The following C1QTNF6 variants were observed in gnomAD, a reference collection of about 807,000 sequenced individuals.
C1QTNF6 encodes complement C1q tumor necrosis factor-related protein 6.
Under a neutral mutation model 20.7 loss-of-function variants are expected in C1QTNF6, and 17 were observed. That is an observed-to-expected ratio of 0.82 (90% CI 0.56 to 1.23). The LOEUF is 1.23. C1QTNF6 is among the 50% of genes most tolerant of loss of function. C1QTNF6 has a pLI of 0.00. For missense variants in C1QTNF6, 329 were observed against 389.7 expected, an observed-to-expected ratio of 0.84 and a Z score of 1.31; for synonymous variants, 130 against 156.3, an observed-to-expected ratio of 0.83 and a Z score of 1.25.
rs1924119597 is a variant in C1QTNF6 at position 37,184,550 on chromosome 22, G to GGACA, written c.289+667_289+668insTGTC. 9 of 648,018 alleles carry GGACA rather than the reference G, an allele frequency of 1.4e-5. No individual in the cohort carries two copies. The highest frequency in any genetic ancestry group is 1.0e-4 in the South Asian group (6 of 59,196). The allele number at this position is 648,018 out of a possible 1,614,324, so 40.1% of individuals were successfully genotyped here. On this transcript the variant is annotated intron_variant, in intron 2 of 2. Transcript: ENST00000337843. This position sits in a 1 kb window ranked among gnomAD's most constrained non-coding sequence, Gnocchi z 4.0. ...TCACCTGGACAGCCCTCACCTGGATGGCCCTCACCTGGACAGGCCCCACAG... is the reference window on the plus strand; with the variant it reads ...TCACCTGGACAGCCCTCACCTGGATGGACAGCCCTCACCTGGACAGGCCCCACAG...
upstream of C1QTNF6, chr22:37,188,288 G>A: frequency 7.1e-7 from 1 of 1,412,314 alleles, no homozygotes; most frequent in Non-Finnish European, 9.6e-7. Context: ...AGCAGAGGAG[G>A]GAGAGAGGAG....
chr22:37,194,445 G>A (rs547267570), intron 2 of C1QTNF6, among the ~76,000 whole-genome samples: 1 of 152,324 alleles, frequency 6.6e-6, no homozygotes, highest in South Asian at 2.1e-4. Flanking sequence ...TGCACCAAGA[G>A]AGGCCAGAAG....
chr22:37,184,535 A>AGCCCTCACCTGGATG lies in C1QTNF6; in HGVS notation c.289+668_289+682dup, dbSNP rs1160644015. 48 of 705,422 alleles carry AGCCCTCACCTGGATG rather than the reference A, an allele frequency of 6.8e-5. No homozygotes were observed. The highest frequency in any genetic ancestry group is 3.6e-4 in the Middle Eastern group (1 of 2,770). 43.7% of individuals were successfully genotyped at this position (705,422 alleles called of 1,614,324 possible). On this transcript the variant is annotated intron_variant, in intron 2 of 2. Coordinates refer to ENST00000337843, the MANE Select transcript of C1QTNF6 (RefSeq NM_031910.4). This position sits in a 1 kb window ranked among gnomAD's most constrained non-coding sequence, Gnocchi z 4.0. ...TCACCTGGACAGCCCTCACCTGGAC[A>AGCCCTCACCTGGATG]GCCCTCACCTGGATGGCCCTCACCT...
chr22:37,192,296 T>G (rs983832622), upstream of C1QTNF6, among the ~76,000 whole-genome samples: 1 of 152,212 alleles, frequency 6.6e-6, no homozygotes, highest in Non-Finnish European at 1.5e-5. Context: ...TATTACGATG[T>G]TAACTCTTAG....
intron 2 of C1QTNF6, among the ~76,000 whole-genome samples, chr22:37,185,016 C>T (rs1259459198): frequency 2.0e-5 from 3 of 152,098 alleles, no homozygotes; most frequent in African/African-American, 4.8e-5. Context: ...CCACCGAGAA[C>T]GGGTGCTCAG....
At chr22:37,195,133 G>A (rs1925064688) in intron 2 of C1QTNF6, among the ~76,000 whole-genome samples, 1 of 152,228 alleles carries the variant, frequency 6.6e-6, no homozygotes, top group African/African-American at 2.4e-5. Flanking sequence ...ACAGTGCAAG[G>A]CAGATTAATG....
At chr22:37,192,352 C>G (rs939812632), upstream of C1QTNF6, among the ~76,000 whole-genome samples, 1 of 152,212 alleles carries the variant, frequency 6.6e-6, no homozygotes, top group Non-Finnish European at 1.5e-5. Context: ...AGCAGTTTTA[C>G]TTATATTCCA....
At chr22:37,186,852 A>G (rs1428309934) in intron 1 of C1QTNF6, among the ~76,000 whole-genome samples, 1 of 152,290 alleles carries the variant, frequency 6.6e-6, no homozygotes. Context: ...ACATGTAGAC[A>G]AGGTACAATT....
chr22:37,194,571 G>A (rs116212485), intron 2 of C1QTNF6, among the ~76,000 whole-genome samples: 1,814 of 152,268 alleles, frequency 0.012, 47 homozygotes, highest in African/African-American at 0.041. Flanking sequence ...GCCAAGACAC[G>A]TTACAAAAGA....
chr22:37,182,611 C>T lies in C1QTNF6; in HGVS notation c.414G>A (p.Pro138=), dbSNP rs746083093. The T allele has an allele frequency of 5.0e-5, 80 of 1,613,612 alleles. No individual in the cohort carries two copies. Among genetic ancestry groups the T allele is most frequent in the East Asian group, 6.7e-5 (3 of 44,880 alleles). The change falls in exon 3 of 3, where the codon CCG becomes CCA. Residue 138 remains proline, a synonymous_variant. Transcript: ENST00000337843. The part of the protein sequence containing the change: ...DKGEMGSPGA[P]CQKRFFAFSV... ...AGAAGGCGAAGAAGCGCTTCTGGCA[C>T]GGGGCGCCGGGGCTGCCCATCTCCC...
chr22:37,181,906 T>G lies in C1QTNF6; in HGVS notation c.*282A>C. 1 of 454,388 alleles carries G rather than the reference T, an allele frequency of 2.2e-6. No homozygotes were observed. The highest frequency in any genetic ancestry group is 4.0e-6 in the Non-Finnish European group (1 of 252,978). 28.1% of individuals were successfully genotyped at this position (454,388 alleles called of 1,614,324 possible). A position where few individuals can be genotyped will look rare whatever the true frequency, so the allele number is the denominator to read the frequency against. ...TGCATTTAACACGAACCCCGGGTGA[T>G]TCGCATGCATTTCCAAGTTTGAGAA... On this transcript the variant is annotated 3_prime_UTR_variant, in exon 3 of 3. Transcript: ENST00000337843.
chr22:37,192,780 A>G (rs2413457), upstream of C1QTNF6, among the ~76,000 whole-genome samples: 32,135 of 152,140 alleles, frequency 0.21, 3,502 homozygotes, highest in Non-Finnish European at 0.23. Context: ...CACACACAAC[A>G]TATATAAATA....
intron 2 of C1QTNF6, among the ~76,000 whole-genome samples, chr22:37,194,448 G>A (rs559113467): frequency 2.0e-5 from 3 of 152,288 alleles, no homozygotes; most frequent in African/African-American, 7.2e-5. Context: ...ACCAAGAGAG[G>A]CCAGAAGCCT....
upstream of C1QTNF6, chr22:37,198,304 C>G (rs229549): frequency 0.79 from 119,667 of 152,102 alleles, 47,904 homozygotes; most frequent in African/African-American, 0.93. Flanking sequence ...AATGCTCTGA[C>G]GTAGGCACAC....
In C1QTNF6 at chr22:37,188,209, T is replaced by C; in HGVS notation, c.5A>G (p.Gln2Arg). M[Q>R]WLRVRESPGE... ...AGGCGACTCACGGACCCTGAGCCAC[T>C]GCATGGCCTCTGGCTCCTTGGCCCA... Residue 2 changes from glutamine (Q) to arginine (R), a missense_variant, in exon 1 of 3, where the codon CAG (glutamine) becomes CGG (arginine). Coordinates refer to ENST00000337843, the MANE Select transcript of C1QTNF6 (RefSeq NM_031910.4). 2 of 1,607,104 alleles carry C rather than the reference T, an allele frequency of 1.2e-6. No homozygotes were observed. Among genetic ancestry groups the C allele is most frequent in the East Asian group, 2.3e-5 (1 of 44,198 alleles).
Position 37,182,536 on chromosome 22 carries a change from CA to C in C1QTNF6, c.488del (p.Leu163ArgfsTer8). On this transcript the variant is annotated frameshift_variant, in exon 3 of 3. Coordinates refer to ENST00000337843, the MANE Select transcript of C1QTNF6 (RefSeq NM_031910.4). LOFTEE classifies it high-confidence loss of function. Reference sequence around the variant, plus strand: ...GGTTCACAAAGACCCTTTCGAAGAGCAGCGTCTGGAAGTCCTCGCCGCTGTG... The same window carrying C: ...GGTTCACAAAGACCCTTTCGAAGAGCGCGTCTGGAAGTCCTCGCCGCTGTG... ...ALHSGEDFQTLLFERVFVNLD... is the reference protein window; with the variant it reads ...ALHSGEDFQTXLFERVFVNLD... 6.2e-7 allele frequency: 1 copy of C among 1,614,250 alleles called. No individual in the cohort carries two copies. Among genetic ancestry groups the C allele is most frequent in the Non-Finnish European group, 8.5e-7 (1 of 1,180,046 alleles).
chr22:37,188,710 G>A (rs1424809942), upstream of C1QTNF6, among the ~76,000 whole-genome samples: 3 of 152,230 alleles, frequency 2.0e-5, no homozygotes, highest in Admixed American at 6.5e-5. Context: ...CCACAGTCGC[G>A]TCGCCTCTCA....
At chr22:37,192,096 C>A (rs1924858219), upstream of C1QTNF6, among the ~76,000 whole-genome samples, 1 of 152,214 alleles carries the variant, frequency 6.6e-6, no homozygotes, top group Admixed American at 6.5e-5. Flanking sequence ...CTTTCACAAA[C>A]CTTCCATAAC....
At chr22:37,188,992 C>A (rs557196747), upstream of C1QTNF6, among the ~76,000 whole-genome samples, 7 of 152,298 alleles carry the variant, frequency 4.6e-5, no homozygotes, top group East Asian at 1.9e-4. Flanking sequence ...CAGAGCACCC[C>A]CAAGCACTGC....
Sources: allele counts gnomAD v4.1 joint callset (sites outside exome capture counted in the v4.1 genomes callset), GRCh38; gene constraint gnomAD v4.1.1; non-coding constraint Gnocchi (gnomAD v3.1); transcripts MANE v1.5; gene names NCBI Gene and HGNC (gene_info 2026-07-23, HGNC 2026-07-21).